Variants in ERBB4 observed in about 807,000 individuals in gnomAD.
ERBB4 encodes receptor tyrosine-protein kinase erbB-4.
A neutral mutation model predicts 158.0 loss-of-function variants in ERBB4; 42 were observed. That is an observed-to-expected ratio of 0.27 (90% CI 0.21 to 0.34). The LOEUF is 0.34. Ranked by LOEUF, ERBB4 falls within the 10% of genes least tolerant of loss-of-function variation. The probability of loss-of-function intolerance (pLI) is 1.00; values close to 1 mark genes in which losing one functional copy is unlikely to be tolerated. For missense variants in ERBB4, 1,333 were observed against 1,624.1 expected (o/e 0.82, Z 3.08); for synonymous variants, 583 against 558.7 (o/e 1.04, Z -0.61).
chr2:212,441,820 C>G (rs1288082989), intron 1 of ERBB4, among the ~76,000 whole-genome samples: 1 of 152,172 alleles, frequency 6.6e-6, no homozygotes, highest in Non-Finnish European at 1.5e-5. Context: ...GATCCAAAGG[C>G]TTAGGGAGAC....
intron 3 of ERBB4, among the ~76,000 whole-genome samples, chr2:211,873,983 T>C (rs534027413): frequency 2.0e-5 from 3 of 152,236 alleles, no homozygotes; most frequent in Admixed American, 2.0e-4. Context: ...ATTTTTAATA[T>C]ATCAAGTGAA....
At chr2:212,321,150 C>A (rs2087551303) in intron 1 of ERBB4, among the ~76,000 whole-genome samples, 1 of 150,206 alleles carries the variant, frequency 6.7e-6, no homozygotes, top group Non-Finnish European at 1.5e-5. Context: ...TTTACTAATA[C>A]TGTAACATGC....
chr2:212,200,284 A>T (rs766559231), intron 1 of ERBB4, among the ~76,000 whole-genome samples: 5 of 152,190 alleles, frequency 3.3e-5, no homozygotes, highest in Admixed American at 3.3e-4. Flanking sequence ...ATGAAAAGAA[A>T]TAGGAAAAGT....
At chr2:211,699,377 T>C (rs899921468) in intron 12 of ERBB4, among the ~76,000 whole-genome samples, 1 of 152,148 alleles carries the variant, frequency 6.6e-6, no homozygotes, top group African/African-American at 2.4e-5. Context: ...ACATTTACAG[T>C]GCATTTAAAA....
chr2:211,863,431 C>A (rs987067441), intron 3 of ERBB4, among the ~76,000 whole-genome samples: 1 of 152,230 alleles, frequency 6.6e-6, no homozygotes, highest in Non-Finnish European at 1.5e-5. Context: ...CTGCTCTTCA[C>A]AATAAATCTT....
intron 1 of ERBB4, among the ~76,000 whole-genome samples, chr2:212,187,495 T>C (rs2082050101): frequency 6.6e-6 from 1 of 151,826 alleles, no homozygotes; most frequent in African/African-American, 2.4e-5. Context: ...TATTGACATG[T>C]ATTGACAATA....
At chr2:212,106,181 A>G (rs1412972386) in intron 2 of ERBB4, among the ~76,000 whole-genome samples, 1 of 152,166 alleles carries the variant, frequency 6.6e-6, no homozygotes, top group East Asian at 1.9e-4. Context: ...GGCTCAGACA[A>G]CAGAAAAATG....
At chr2:211,904,627 A>T (rs973329269) in intron 3 of ERBB4, among the ~76,000 whole-genome samples, 4 of 152,162 alleles carry the variant, frequency 2.6e-5, no homozygotes, top group Non-Finnish European at 5.9e-5. Flanking sequence ...CATTATTACT[A>T]TCCCACAGTT....
chr2:211,677,365 G>T (rs893843116), intron 13 of ERBB4, among the ~76,000 whole-genome samples: 2 of 151,796 alleles, frequency 1.3e-5, no homozygotes, highest in Non-Finnish European at 2.9e-5. Context: ...AGGAGTTCGA[G>T]ACTAGCCTGA....
intron 1 of ERBB4, among the ~76,000 whole-genome samples, chr2:212,286,594 C>CTTGTTTTTTTTTTTG (rs760466245): frequency 0.011 from 618 of 55,440 alleles, 16 homozygotes; most frequent in East Asian, 0.017. Flanking sequence ...TAAGTGCTGA[C>CTTGTTTTTTTTTTTG]TTTTTTTTTT....
intron 20 of ERBB4, among the ~76,000 whole-genome samples, chr2:211,503,871 G>A (rs1435890602): frequency 6.6e-6 from 1 of 152,128 alleles, no homozygotes; most frequent in Non-Finnish European, 1.5e-5. Context: ...GCCAGTGCTT[G>A]CACATGCCTT....
At chr2:211,401,826 T>C (rs1002290235) in intron 25 of ERBB4, among the ~76,000 whole-genome samples, 1 of 152,000 alleles carries the variant, frequency 6.6e-6, no homozygotes, top group African/African-American at 2.4e-5. Context: ...CTTTTTCACA[T>C]ATCCTTTACC....
At chr2:212,417,168 G>A (rs1010489293) in intron 1 of ERBB4, among the ~76,000 whole-genome samples, 3 of 151,922 alleles carry the variant, frequency 2.0e-5, no homozygotes, top group East Asian at 1.9e-4. Flanking sequence ...GTTTTACCTC[G>A]TACATCATCA....
intron 20 of ERBB4, among the ~76,000 whole-genome samples, chr2:211,488,610 A>G (rs1263246483): frequency 6.6e-6 from 1 of 152,142 alleles, no homozygotes; most frequent in Non-Finnish European, 1.5e-5. Flanking sequence ...AGAGTAAGCA[A>G]AAAACTGAAA....
intron 12 of ERBB4, among the ~76,000 whole-genome samples, chr2:211,690,703 A>G (rs747164109): frequency 2.0e-5 from 3 of 152,274 alleles, no homozygotes; most frequent in South Asian, 2.1e-4. Flanking sequence ...TGAAATTCTT[A>G]AGAGAAAAGA....
chr2:211,538,375 C>A (rs1480295249), intron 20 of ERBB4, among the ~76,000 whole-genome samples: 5 of 151,634 alleles, frequency 3.3e-5, no homozygotes, highest in Admixed American at 2.0e-4. Flanking sequence ...TTTGCCTTCC[C>A]AGAAATTCCT....
At position 211,746,901 on chromosome 2, in the gene ERBB4, C is replaced by T. The variant is rs192437011; in HGVS notation, c.622+3738G>A. The stretch of plus-strand genomic sequence containing the variant: ...TCGTGTTTCTTATGGAACCTAAGGA[C>T]AGCAGTGTAGCTGGACCTCACGGAA... On this transcript the variant is annotated intron_variant, in intron 5 of 27. Coordinates refer to ENST00000342788, the MANE Select transcript of ERBB4 (RefSeq NM_005235.3). Among the ~76,000 whole-genome samples, 54 of 151,202 alleles carry T rather than the reference C, an allele frequency of 3.6e-4. No homozygotes were observed. In the East Asian group the frequency reaches 9.7e-3, roughly 27 times the overall value.
At chr2:211,597,923 G>A (rs767599915) in intron 19 of ERBB4, among the ~76,000 whole-genome samples, 1 of 152,072 alleles carries the variant, frequency 6.6e-6, no homozygotes, top group Non-Finnish European at 1.5e-5. Flanking sequence ...TTTGATAAGA[G>A]AATCTATTTT....
chr2:211,959,076 A>G (rs1325129941), intron 2 of ERBB4, among the ~76,000 whole-genome samples: 1 of 152,010 alleles, frequency 6.6e-6, no homozygotes, highest in Non-Finnish European at 1.5e-5. Flanking sequence ...CTTCCTCAAA[A>G]AAGTCTTTAA....
Sources: allele counts gnomAD v4.1 joint callset (sites outside exome capture counted in the v4.1 genomes callset), GRCh38; gene constraint gnomAD v4.1.1; transcripts MANE v1.5; gene names NCBI Gene and HGNC (gene_info 2026-07-23, HGNC 2026-07-21).